REV3L: variants seen among roughly 807,000 people sequenced by gnomAD.
The protein encoded by REV3L is DNA polymerase zeta catalytic subunit.
A neutral mutation model predicts 299.4 loss-of-function variants in REV3L; 69 were observed. The observed-to-expected ratio is 0.23, with a 90% CI of 0.19 to 0.28. The LOEUF (loss-of-function observed/expected upper bound fraction) is 0.28. REV3L is among the 10% of genes least tolerant of loss of function. The pLI, the probability that REV3L is intolerant of heterozygous loss-of-function variation, is 1.00. For synonymous variants in REV3L, 1,238 were observed against 1,271.4 expected (o/e 0.97, Z 0.56); for missense variants, 3,128 against 3,693.8 (o/e 0.85, Z 3.97).
intron 1 of REV3L, among the ~76,000 whole-genome samples, chr6:111,440,097 G>A (rs1207874870): frequency 6.6e-6 from 1 of 151,352 alleles, no homozygotes; most frequent in Non-Finnish European, 1.5e-5. Context: ...GAGGAGTTTC[G>A]CTCTTGTTGC....
At position 111,376,226 on chromosome 6, in the gene REV3L, G is replaced by T; in HGVS notation, c.2129C>A (p.Ser710Tyr). Residue 710 changes from serine (S) to tyrosine (Y), a missense_variant, in exon 13 of 32, where the codon TCT becomes TAT. Coordinates refer to ENST00000368802, the MANE Select transcript of REV3L (RefSeq NM_001372078.1). ...NTLGKNSFNF[S>Y]DLNHSKNKVS... Reference sequence around the variant, plus strand: ...TTTATTTTTTGAATGATTTAAGTCAGAAAAGTTGAAAGAATTTTTGCCCAA... The same window carrying T: ...TTTATTTTTTGAATGATTTAAGTCATAAAAGTTGAAAGAATTTTTGCCCAA... 1 of 1,613,586 alleles carries T rather than the reference G, an allele frequency of 6.2e-7. No individual in the cohort carries two copies. The highest frequency in any genetic ancestry group is 1.3e-5 in the African/African-American group (1 of 75,030).
intron 4 of REV3L, among the ~76,000 whole-genome samples, chr6:111,394,394 TG>T (rs977502853): frequency 1.3e-5 from 2 of 152,228 alleles, no homozygotes; most frequent in African/African-American, 4.8e-5. Flanking sequence ...TTAGTGATGT[TG>T]AACATTTAAA....
chr6:111,315,361 C>T lies in REV3L; in HGVS notation c.8372G>A (p.Gly2791Glu). Residue 2791 changes from glycine (G) to glutamate (E), a missense_variant, in exon 27 of 32, where the codon GGA becomes GAA. Gly to Glu is a moderately conservative substitution (Grantham distance 98, BLOSUM62 -2). Around this residue, in one of 9 missense-constraint regions of REV3L, gnomAD observed 37 missense variants for 100.1 expected, o/e 0.37. Coordinates refer to ENST00000368802, the MANE Select transcript of REV3L (RefSeq NM_001372078.1). ...DTDSMFVLLK[G>E]ATKEQSFKIG... is the part of the protein sequence containing the mutation. ...CTTAAAAGACTGCTCCTTAGTGGCT[C>T]CTTTCAGTAGCACAAACATACTAAG... 6.2e-7 allele frequency: 1 copy of T among 1,613,750 alleles called. No individual in the cohort carries two copies. Among genetic ancestry groups the T allele is most frequent in the Non-Finnish European group, 8.5e-7 (1 of 1,179,838 alleles).
chr6:111,413,162 T>C (rs1421752397), intron 2 of REV3L, among the ~76,000 whole-genome samples: 1 of 152,166 alleles, frequency 6.6e-6, no homozygotes, highest in Admixed American at 6.5e-5. Flanking sequence ...AAATTCAACC[T>C]TAACTGTAGC....
rs957998749 is a variant in REV3L, at chr6:111,318,188, C to T, written c.8352-2807G>A. Among the ~76,000 whole-genome samples, 3 of 151,722 alleles carry T rather than the reference C, an allele frequency of 2.0e-5. No homozygotes were observed. In the East Asian group the frequency reaches 5.8e-4, roughly 29 times the overall value. ...CTGCAAGCTCCAACTCCTGAGTTCACGCCATTCTCCTGCCTCAGCCTCCTG... is the reference window on the plus strand; with the variant it reads ...CTGCAAGCTCCAACTCCTGAGTTCATGCCATTCTCCTGCCTCAGCCTCCTG... On this transcript the variant is annotated intron_variant, in intron 26 of 31. Coordinates refer to ENST00000368802, the MANE Select transcript of REV3L (RefSeq NM_001372078.1).
intron 4 of REV3L, among the ~76,000 whole-genome samples, chr6:111,393,380 A>G (rs962620525): frequency 6.6e-6 from 1 of 152,092 alleles, no homozygotes; most frequent in Non-Finnish European, 1.5e-5. Context: ...TTGATACATA[A>G]TATTTGTACA....
At chr6:111,477,594 G>C (rs1199606640) in intron 1 of REV3L, among the ~76,000 whole-genome samples, 3 of 152,306 alleles carry the variant, frequency 2.0e-5, no homozygotes, top group South Asian at 2.1e-4. Context: ...GGCCAACAAG[G>C]CTGGAACAAA....
At chr6:111,342,918 A>G (rs1231337521) in intron 21 of REV3L, among the ~76,000 whole-genome samples, 1 of 152,208 alleles carries the variant, frequency 6.6e-6, no homozygotes, top group Non-Finnish European at 1.5e-5. Context: ...AAAAAAACGC[A>G]ACTGAGACTG....
Position 111,383,325 on chromosome 6 carries a change from GA to G in REV3L, c.1097-1882del, listed in dbSNP as rs575832796. 2.0e-3 allele frequency among the ~76,000 whole-genome samples: 297 copies of G among 152,284 alleles called. 1 individual carries two copies. Among genetic ancestry groups the G allele is most frequent in the African/African-American group, 7.0e-3 (291 of 41,566 alleles). Reference sequence around the variant, plus strand: ...AATAAAGTGCATCCAAATTGGAAAGGAAGAAGTCGAATTATCCTTATCTGCC... The same window carrying G: ...AATAAAGTGCATCCAAATTGGAAAGGAGAAGTCGAATTATCCTTATCTGCC... On this transcript the variant is annotated intron_variant, in intron 9 of 31. Coordinates refer to ENST00000368802, the MANE Select transcript of REV3L (RefSeq NM_001372078.1).
chr6:111,469,783 G>C (rs922828715), intron 1 of REV3L, among the ~76,000 whole-genome samples: 2 of 152,178 alleles, frequency 1.3e-5, no homozygotes, highest in Non-Finnish European at 2.9e-5. Context: ...AGCCACATCC[G>C]CAAGGCCAGA....
chr6:111,353,918 TACA>T (rs1777824734), intron 18 of REV3L: 8 of 152,194 alleles, frequency 5.3e-5, no homozygotes, highest in Admixed American at 2.6e-4. Flanking sequence ...AATGAATGGC[TACA>T]TTTGAGAATT....
In REV3L at chr6:111,310,003, C is replaced by A. The variant is rs1772787822; in HGVS notation, c.8892G>T (p.Gln2964His). Residue 2964 changes from glutamine to histidine, a missense_variant, in exon 30 of 32, where the codon CAG becomes CAT. Around this residue, in one of 9 missense-constraint regions of REV3L, gnomAD observed 294 missense variants for 377.0 expected, o/e 0.78. Coordinates refer to ENST00000368802, the MANE Select transcript of REV3L (RefSeq NM_001372078.1). ...GGACTTCCACTGGGCGCCTTACAAG[C>A]TGGATAAGTGGTACTCCGGGGGTCC... is the stretch of plus-strand genomic sequence containing the variant. ...IYGTPGVPLI[Q>H]LVRRPVEVLQ... The A allele has an allele frequency of 9.3e-6, 15 of 1,613,820 alleles. No individual in the cohort carries two copies. The highest frequency in any genetic ancestry group is 1.0e-5 in the Non-Finnish European group (12 of 1,179,864).
chr6:111,303,549 T>TA (rs1771860530), intron 31 of REV3L, among the ~76,000 whole-genome samples: 1 of 151,294 alleles, frequency 6.6e-6, no homozygotes, highest in African/African-American at 2.4e-5. Context: ...GTATTTTTAG[T>TA]AGAGATGGGG....
At chr6:111,462,555 A>T (rs752210914) in intron 1 of REV3L, among the ~76,000 whole-genome samples, 1 of 152,196 alleles carries the variant, frequency 6.6e-6, no homozygotes, top group Non-Finnish European at 1.5e-5. Context: ...GGCTATAAAC[A>T]TATGGAAAAA....
In REV3L at chr6:111,418,861, T is replaced by G. The variant is rs536293586; in HGVS notation, c.140-2389A>C. ...TCCCCAGAACTCAACAAAAAACACA[T>G]GGTATGTGCTTAACAAACATTTATT... On this transcript the variant is annotated intron_variant, in intron 1 of 31. Transcript: ENST00000368802. Among the ~76,000 whole-genome samples, 3 of 152,328 alleles carry G rather than the reference T, an allele frequency of 2.0e-5. No individual in the cohort carries two copies. In the South Asian group the frequency reaches 6.2e-4, roughly 32 times the overall value.
At position 111,422,631 on chromosome 6, in the gene REV3L, C is replaced by CGTATATATATAT. The variant is rs1252147400; in HGVS notation, c.140-6160_140-6159insATATATATATAC. On this transcript the variant is annotated intron_variant, in intron 1 of 31. Transcript: ENST00000368802. ...ATATATACACATATATATATATATA[C>CGTATATATATAT]ACATATATATATATATACATATATA... is the stretch of plus-strand genomic sequence containing the variant. Among the ~76,000 whole-genome samples, 12 of 12,750 alleles carry CGTATATATATAT rather than the reference C, an allele frequency of 9.4e-4. 3 individuals carry two copies. In the East Asian group the frequency reaches 0.011, roughly 12 times the overall value. 8.4% of individuals were successfully genotyped at this position (12,750 alleles called of 152,430 possible).
chr6:111,451,625 C>G (rs1789552615), intron 1 of REV3L, among the ~76,000 whole-genome samples: 1 of 151,940 alleles, frequency 6.6e-6, no homozygotes, highest in Admixed American at 6.6e-5. Context: ...ATTTTGGGCC[C>G]AATACCGAAG....
In REV3L at chr6:111,309,901, G is replaced by A. The variant is rs1318912240; in HGVS notation, c.8994C>T (p.Phe2998=). 1 of 1,614,094 alleles carries A rather than the reference G, an allele frequency of 6.2e-7. No individual in the cohort carries two copies. The highest frequency in any genetic ancestry group is 8.5e-7 in the Non-Finnish European group (1 of 1,179,986). ...KQILPPLARI[F]SLIGIDVFSW... The stretch of plus-strand genomic sequence containing the variant: ...TGAAGACATCAATACCAATAAGTGA[G>A]AAGATTCTTGCCAAGGGTGGAAGGA... The change falls in exon 30 of 32, where the codon TTC becomes TTT. Residue 2998 remains phenylalanine (F), a synonymous_variant. Transcript: ENST00000368802.
chr6:111,308,092 A>G (rs1323998413), intron 30 of REV3L: 4 of 318,466 alleles, frequency 1.3e-5, no homozygotes, highest in African/African-American at 9.0e-5. Context: ...AGCTTCATCC[A>G]TGTCCCTGCA....
Sources: allele counts gnomAD v4.1 joint callset (sites outside exome capture counted in the v4.1 genomes callset), GRCh38; gene constraint gnomAD v4.1.1; regional missense constraint gnomAD v4.1.1; transcripts MANE v1.5; gene names NCBI Gene and HGNC (gene_info 2026-07-23, HGNC 2026-07-21).